SLC22A31: variants seen among roughly 807,000 people sequenced by gnomAD.
SLC22A31 encodes the protein solute carrier family 22 member 31.
SLC22A31 carries 42 observed loss-of-function variants against 27.4 expected under a neutral mutation model. That is an observed-to-expected ratio of 1.53 (90% CI 1.20 to 1.98). SLC22A31 has a LOEUF of 1.98. Among genes scored for constraint, SLC22A31 ranks in the 30% most tolerant of loss-of-function variants. The pLI is 0.00. For missense variants in SLC22A31, 593 were observed against 479.9 expected (o/e 1.24, Z -2.20); for synonymous variants, 290 against 230.8 (o/e 1.26, Z -2.33).
In SLC22A31 at chr16:89,197,353, C is replaced by T. The variant is rs998998573; in HGVS notation, c.979G>A (p.Ala327Thr). Reference protein sequence around the residue: ...LSVLGLLASRAVSALSSLFAA... With the variant: ...LSVLGLLASRTVSALSSLFAA... ...AAGAGGCTGCTGAGTGCGGACACAG[C>T]CCGGGAGGCCAGGAGCCCCAGGACA... The change falls in exon 8 of 9, where the codon GCT becomes ACT. Residue 327 changes from alanine (A) to threonine (T), a missense_variant. Coordinates refer to ENST00000682282, the MANE Select transcript of SLC22A31 (RefSeq NM_001384763.1). The T allele has an allele frequency of 6.5e-7, 1 of 1,535,752 alleles. No homozygotes were observed. Among genetic ancestry groups the T allele is most frequent in the African/African-American group, 1.4e-5 (1 of 73,028 alleles).
intron 8 of SLC22A31, among the ~76,000 whole-genome samples, chr16:89,196,876 T>C (rs1316991232): frequency 2.0e-5 from 3 of 150,604 alleles, no homozygotes; most frequent in East Asian, 2.0e-4. Flanking sequence ...AACCAGAGAG[T>C]TGGAGGCTGC....
rs1916200754 is a variant in SLC22A31, at chr16:89,198,500, G to T, written c.649C>A (p.Leu217Met). 3 of 1,517,940 alleles carry T rather than the reference G, an allele frequency of 2.0e-6. No homozygotes were observed. The highest frequency in any genetic ancestry group is 2.0e-5 in the Admixed American group (1 of 49,134). The allele number at this position is 1,517,940 out of a possible 1,614,324, so 94.0% of individuals were successfully genotyped here. The change falls in exon 6 of 9, where the codon CTG becomes ATG. Residue 217 changes from leucine to methionine, a missense_variant. Coordinates refer to ENST00000682282, the MANE Select transcript of SLC22A31 (RefSeq NM_001384763.1). The stretch of plus-strand genomic sequence containing the variant: ...GTGACTCGGGTACGCAGAAGCCCCA[G>T]TGGGGAGTGGTACCGGGGCTGGGGG... ...RSPQPRYHSP[L>M]GLLRTRVTWR...
rs774458682 is a variant in SLC22A31 at position 89,200,196 on chromosome 16, G to A, written c.24+282C>T. ...GGGCCTTGGTGGCGTCATAGACACA[G>A]CCCCCACCCCAGCCGGCCAAGGGTC... On this transcript the variant is annotated intron_variant, in intron 1 of 8. Transcript: ENST00000682282. The A allele has an allele frequency of 3.0e-4, 53 of 175,314 alleles. 1 individual carries two copies. Among genetic ancestry groups the A allele is most frequent in the Non-Finnish European group, 5.0e-4 (42 of 84,078 alleles). 10.9% of individuals were successfully genotyped at this position (175,314 alleles called of 1,614,324 possible).
At chr16:89,200,007 C>T (rs1567783071) in intron 1 of SLC22A31, 191 bp from the exon 2 acceptor site, 2 of 395,484 alleles carry the variant, frequency 5.1e-6, no homozygotes, top group African/African-American at 2.1e-5. Flanking sequence ...CTCTGGTCTC[C>T]GGCAGCCCCT....
At chr16:89,200,732 A>G (rs1422189004), upstream of SLC22A31, among the ~76,000 whole-genome samples, 1 of 151,966 alleles carries the variant, frequency 6.6e-6, no homozygotes, top group Non-Finnish European at 1.5e-5. Context: ...AAAGGCATGA[A>G]AGGGGCCTGG....
chr16:89,201,091 G>C (rs1209846832), upstream of SLC22A31: 2 of 373,330 alleles, frequency 5.4e-6, no homozygotes, highest in Non-Finnish European at 9.5e-6. Flanking sequence ...TCCGGCCCGT[G>C]CGCGCCCGTC....
Position 89,197,417 on chromosome 16 carries a change from C to G in SLC22A31, c.923-8G>C, listed in dbSNP as rs1916058707. The stretch of plus-strand genomic sequence containing the variant: ...CAGTCCAGCCTGGCAGATCTGGGGA[C>G]AAAGAACAGGGGTTCCCAGGCTCTC... On this transcript the variant is annotated splice_polypyrimidine_tract_variant and splice_region_variant and intron_variant, in intron 7 of 8. Transcript: ENST00000682282. 5.2e-6 allele frequency: 8 copies of G among 1,532,296 alleles called. No homozygotes were observed. In the African/African-American group the frequency reaches 6.9e-5, roughly 13 times the overall value. The allele number at this position is 1,532,296 out of a possible 1,614,324, so 94.9% of individuals were successfully genotyped here.
Position 89,198,662 on chromosome 16 carries a change from G to C in SLC22A31, c.588C>G (p.Ser196=), listed in dbSNP as rs1916225272. 2 of 1,535,568 alleles carry C rather than the reference G, an allele frequency of 1.3e-6. No homozygotes were observed. Among genetic ancestry groups the C allele is most frequent in the Non-Finnish European group, 1.7e-6 (2 of 1,146,642 alleles). ...GPGDSSLEEN[S]LATELTMLSA... is the part of the protein sequence containing the mutation. ...TGGTAGGCGCCTGACCTGTAGCCAG[G>C]GAGTTCTCCTCCAAGGAACTGTCCC... Residue 196 remains serine, a synonymous_variant, in exon 5 of 9, where the codon TCC becomes TCG. Coordinates refer to ENST00000682282, the MANE Select transcript of SLC22A31 (RefSeq NM_001384763.1).
intron 7 of SLC22A31, 39 bp from the exon 8 acceptor site, chr16:89,197,448 A>G: frequency 6.8e-7 from 1 of 1,460,868 alleles, no homozygotes; most frequent in African/African-American, 1.4e-5. Context: ...CTCTCTCCCC[A>G]GGCCTTCCAC....
upstream of SLC22A31, chr16:89,201,249 G>T (rs1181009208): frequency 8.2e-6 from 3 of 367,164 alleles, no homozygotes; most frequent in East Asian, 4.0e-5. Flanking sequence ...GGGCAGCAGG[G>T]ACGGGGGCGC....
In SLC22A31 at chr16:89,198,701, A is replaced by T. The variant is rs1162009740; in HGVS notation, c.549T>A (p.Ser183Arg). 1 of 1,535,648 alleles carries T rather than the reference A, an allele frequency of 6.5e-7. No homozygotes were observed. Among genetic ancestry groups the T allele is most frequent in the Non-Finnish European group, 8.7e-7 (1 of 1,146,794 alleles). ...RKILWRFAEA[S>R]GVGPGDSSLE... is the part of the protein sequence containing the mutation. ...AGGAACTGTCCCCGGGGCCCACGCC[A>T]CTGGCTTCTGCAAAGCGCCACAGGA... The change falls in exon 5 of 9, where the codon AGT becomes AGA. Residue 183 changes from serine (S) to arginine (R), a missense_variant. Physicochemically the swap from Ser to Arg is moderately radical, Grantham distance 110 (BLOSUM62 -1). Coordinates refer to ENST00000682282, the MANE Select transcript of SLC22A31 (RefSeq NM_001384763.1).
Position 89,198,233 on chromosome 16 carries a change from C to T in SLC22A31, c.811G>A (p.Ala271Thr). Residue 271 changes from alanine to threonine, a missense_variant, in exon 7 of 9, where the codon GCC becomes ACC. Physicochemically the swap from Ala to Thr is moderately conservative, Grantham distance 58. Transcript: ENST00000682282. ...YFLEAGLEAA[A>T]LVFLLLTADC... ...GCCGTCAGGAGCAGGAAGACCAAGG[C>T]TGCCGCCTCCAGGCCGGCCTCCAGG... is the stretch of plus-strand genomic sequence containing the variant. 1 of 1,535,934 alleles carries T rather than the reference C, an allele frequency of 6.5e-7. No individual in the cohort carries two copies. Among genetic ancestry groups the T allele is most frequent in the Non-Finnish European group, 8.7e-7 (1 of 1,146,898 alleles).
intron 8 of SLC22A31, among the ~76,000 whole-genome samples, chr16:89,196,973 A>G (rs1246526649): frequency 6.6e-6 from 1 of 150,394 alleles, no homozygotes; most frequent in African/African-American, 2.4e-5. Flanking sequence ...GAAGAAGAAG[A>G]TCGAAAAGTG....
In SLC22A31 at chr16:89,196,882, G is replaced by A. The variant is rs143803131; in HGVS notation, c.1034+416C>T. ...AATCGCTTGAACCAGAGAGTTGGAG[G>A]CTGCAGTGAGCTGAGATCACACCAC... On this transcript the variant is annotated intron_variant, in intron 8 of 8. Coordinates refer to ENST00000682282, the MANE Select transcript of SLC22A31 (RefSeq NM_001384763.1). Among the ~76,000 whole-genome samples, 11 of 151,568 alleles carry A rather than the reference G, an allele frequency of 7.3e-5. No individual in the cohort carries two copies. The East Asian group carries it at 1.9e-3, about 27-fold the overall frequency.
In SLC22A31 at chr16:89,196,300, GCCCC is replaced by G. The variant is rs1199315632; in HGVS notation, c.1036_1039del (p.Gly346ProfsTer121). 8.7e-6 allele frequency: 13 copies of G among 1,493,574 alleles called. No homozygotes were observed. The African/African-American group carries it at 1.8e-4, about 21-fold the overall frequency. 92.5% of individuals were successfully genotyped at this position (1,493,574 alleles called of 1,614,324 possible). On this transcript the variant is annotated frameshift_variant and splice_region_variant, in exon 9 of 9. Coordinates refer to ENST00000682282, the MANE Select transcript of SLC22A31 (RefSeq NM_001384763.1). LOFTEE classifies it low-confidence loss of function (END_TRUNC). ...GGCCCCCAGCACCAGGCCCAGCCCG[GCCCC>G]CCTGTGGGACAGAGTGTGTTGGGGG...
intron 4 of SLC22A31, 80 bp from the exon 5 acceptor site, chr16:89,198,877 C>A (rs780806304): frequency 2.7e-6 from 4 of 1,490,560 alleles, no homozygotes; most frequent in African/African-American, 2.8e-5. Context: ...CCCCACCCCA[C>A]CCCCAGGCTC....
In SLC22A31 at chr16:89,199,559, C is replaced by A. The variant is rs752267030; in HGVS notation, c.137G>T (p.Arg46Leu). ...ILGAGCDRFG[R>L]RAVFVASLVL... ...CAGGGAGGCCACAAAAACTGCCCGG[C>A]GTCCAAACCTGGTGGGCAGCGGGGG... Residue 46 changes from arginine to leucine, a missense_variant, in exon 3 of 9, where the codon CGC becomes CTC. By Grantham distance (102) the Arg-to-Leu change is moderately radical. Transcript: ENST00000682282. 1.4e-5 allele frequency: 6 copies of A among 440,462 alleles called. No individual in the cohort carries two copies. The highest frequency in any genetic ancestry group is 2.0e-5 in the Non-Finnish European group (5 of 247,294). The allele number at this position is 440,462 out of a possible 1,614,324, so 27.3% of individuals were successfully genotyped here.
chr16:89,199,238 G>C, intron 3 of SLC22A31, 47 bp from the exon 4 acceptor site: 4 of 1,479,058 alleles, frequency 2.7e-6, no homozygotes, highest in South Asian at 2.6e-5. Context: ...GGGAGGACTG[G>C]AACAGTTCCA....
intron 1 of SLC22A31, 141 bp from the exon 2 acceptor site, chr16:89,199,957 T>C (rs772458442): frequency 5.0e-6 from 2 of 398,482 alleles, no homozygotes; most frequent in Non-Finnish European, 8.8e-6. Flanking sequence ...AACTGAGGCA[T>C]GAGAGGGCAA....
Sources: allele counts gnomAD v4.1 joint callset (sites outside exome capture counted in the v4.1 genomes callset), GRCh38; gene constraint gnomAD v4.1.1; transcripts MANE v1.5; gene names NCBI Gene and HGNC (gene_info 2026-07-23, HGNC 2026-07-21).